Variants in MYO16 observed in about 807,000 individuals in gnomAD.
MYO16 encodes myosin XVI.
MYO16 carries 94 observed loss-of-function variants against 205.3 expected under a neutral mutation model. That is an observed-to-expected ratio of 0.46 (90% CI 0.39 to 0.54). The LOEUF (loss-of-function observed/expected upper bound fraction) is 0.54. Ranked by LOEUF, MYO16 falls within the 20% of genes least tolerant of loss-of-function variation. MYO16 has a pLI of 0.00. For synonymous variants in MYO16, 988 were observed against 954.0 expected, an observed-to-expected ratio of 1.04 and a Z score of -0.66; for missense variants, 2,315 against 2,387.5, an observed-to-expected ratio of 0.97 and a Z score of 0.63.
chr13:108,809,718 A>C (rs890697263), intron 7 of MYO16, among the ~76,000 whole-genome samples: 2 of 152,220 alleles, frequency 1.3e-5, no homozygotes, highest in African/African-American at 2.4e-5. Flanking sequence ...CTTGCAATTC[A>C]ACATGAGATT....
chr13:108,915,996 A>T (rs1487331573), intron 16 of MYO16, among the ~76,000 whole-genome samples: 1 of 152,190 alleles, frequency 6.6e-6, no homozygotes, highest in Non-Finnish European at 1.5e-5. Flanking sequence ...ATGAACAGGG[A>T]ACCTAATCTG....
At chr13:108,933,161 C>T (rs986005398) in intron 16 of MYO16, among the ~76,000 whole-genome samples, 25 of 152,244 alleles carry the variant, frequency 1.6e-4, no homozygotes, top group African/African-American at 5.8e-4. Flanking sequence ...GTCTTTCATT[C>T]ACTAACTGTG....
upstream of MYO16, among the ~76,000 whole-genome samples, chr13:108,592,992 G>A (rs993501642): frequency 6.6e-6 from 1 of 152,120 alleles, no homozygotes; most frequent in African/African-American, 2.4e-5. Flanking sequence ...CCACCACACA[G>A]TTTGGTGAAC....
At chr13:108,834,543 C>A (rs1199811573) in intron 9 of MYO16, among the ~76,000 whole-genome samples, 2 of 151,972 alleles carry the variant, frequency 1.3e-5, no homozygotes, top group East Asian at 3.9e-4. Context: ...AAGGTTAAGG[C>A]CTTCTGGGTC....
chr13:108,867,994 T>C (rs1471822062), intron 12 of MYO16, among the ~76,000 whole-genome samples: 1 of 152,242 alleles, frequency 6.6e-6, no homozygotes, highest in Non-Finnish European at 1.5e-5. Context: ...AGCAATACAA[T>C]AAGTACAATA....
chr13:108,964,003 C>A, intron 19 of MYO16, among the ~76,000 whole-genome samples: 1 of 152,300 alleles, frequency 6.6e-6, no homozygotes, highest in Middle Eastern at 3.4e-3. Context: ...CTTCCTCACC[C>A]GTGCTTCTAA....
chr13:108,841,536 A>G (rs1264319058), intron 9 of MYO16, among the ~76,000 whole-genome samples: 4 of 152,192 alleles, frequency 2.6e-5, no homozygotes, highest in Non-Finnish European at 5.9e-5. Flanking sequence ...AGAAGCACAA[A>G]CTGTAAGAGA....
At chr13:108,784,819 T>C (rs920567076) in intron 4 of MYO16, among the ~76,000 whole-genome samples, 47 of 152,210 alleles carry the variant, frequency 3.1e-4, no homozygotes, top group African/African-American at 1.1e-3. Context: ...GTTCACGCCA[T>C]GCCCTAAAAG....
At chr13:109,155,296 C>A (rs557160179) in intron 32 of MYO16, among the ~76,000 whole-genome samples, 1 of 152,168 alleles carries the variant, frequency 6.6e-6, no homozygotes, top group Admixed American at 6.5e-5. Context: ...CCCCGCTTAA[C>A]CTGGAGGATA....
At chr13:109,009,160 G>C (rs553379303) in intron 22 of MYO16, 111 bp downstream of exon 22, 1 of 844,672 alleles carries the variant, frequency 1.2e-6, no homozygotes, top group African/African-American at 1.7e-5. Context: ...TTATATGTGA[G>C]ATTCTGCAAT....
the MYO16 span, among the ~76,000 whole-genome samples, chr13:108,589,345 C>T: frequency 1.3e-5 from 2 of 152,084 alleles, no homozygotes; most frequent in Admixed American, 1.3e-4. Context: ...AATTTAACTT[C>T]TCATATTTTA....
intron 34 of MYO16, among the ~76,000 whole-genome samples, chr13:109,183,057 G>A (rs1307200103): frequency 1.3e-5 from 2 of 152,164 alleles, no homozygotes; most frequent in Non-Finnish European, 2.9e-5. Flanking sequence ...GAATTTCGTA[G>A]GTTATAGTAT....
chr13:108,868,302 C>T (rs1388621100), intron 12 of MYO16, among the ~76,000 whole-genome samples: 2 of 152,094 alleles, frequency 1.3e-5, no homozygotes, highest in African/African-American at 4.8e-5. Context: ...GGTCATATTT[C>T]ATTTGTTTAC....
intron 4 of MYO16, among the ~76,000 whole-genome samples, chr13:108,760,165 T>C (rs1885558836): frequency 6.6e-6 from 1 of 152,238 alleles, no homozygotes; most frequent in South Asian, 2.1e-4. Context: ...GTACTCCTTC[T>C]ACCTAACTGT....
intron 14 of MYO16, among the ~76,000 whole-genome samples, chr13:108,891,870 T>C (rs1021395255): frequency 2.0e-4 from 31 of 152,368 alleles, no homozygotes; most frequent in African/African-American, 7.2e-4. Flanking sequence ...TTTGTGTTTG[T>C]TTCTGTGGCA....
intron 2 of MYO16, among the ~76,000 whole-genome samples, chr13:108,703,465 T>C (rs1257332664): frequency 2.0e-5 from 3 of 152,178 alleles, no homozygotes; most frequent in African/African-American, 7.2e-5. Flanking sequence ...AGAGCATTCA[T>C]AGATATTTGA....
intron 1 of MYO16, among the ~76,000 whole-genome samples, chr13:108,605,947 A>T (rs966995286): frequency 1.3e-5 from 2 of 152,204 alleles, no homozygotes; most frequent in Non-Finnish European, 2.9e-5. Context: ...TCTGATAGTG[A>T]TATGGACAAT....
At chr13:109,050,156 T>G (rs1293373849) in intron 24 of MYO16, among the ~76,000 whole-genome samples, 1 of 152,198 alleles carries the variant, frequency 6.6e-6, no homozygotes, top group Non-Finnish European at 1.5e-5. Flanking sequence ...ATTGTCCCAC[T>G]AATATTAGTC....
At chr13:108,867,205 A>T (rs1878765652) in intron 12 of MYO16, among the ~76,000 whole-genome samples, 1 of 151,684 alleles carries the variant, frequency 6.6e-6, no homozygotes, top group South Asian at 2.1e-4. Context: ...AAACAAAACA[A>T]AACAAAAACA....
Sources: gnomAD v4.1 joint callset for allele counts (sites outside exome capture counted in the v4.1 genomes callset) on GRCh38, gnomAD v4.1.1 for gene constraint, MANE v1.5 for transcripts, NCBI Gene and HGNC (gene_info 2026-07-23, HGNC 2026-07-21) for gene names.